The following DLGAP1 variants were observed in gnomAD, a reference collection of about 807,000 sequenced individuals.
DLGAP1 encodes DLG associated protein 1.
Under a neutral mutation model 90.8 loss-of-function variants are expected in DLGAP1, and 11 were observed. The ratio of observed to expected loss-of-function variants is 0.12; its 90% CI spans 0.08 to 0.20. DLGAP1 has a LOEUF of 0.20. Among genes scored for constraint, DLGAP1 ranks in the 10% least tolerant of loss-of-function variants. DLGAP1 has a pLI of 1.00. For synonymous variants in DLGAP1, 558 were observed against 540.7 expected (o/e 1.03, Z -0.44); for missense variants, 1,050 against 1,333.8 (o/e 0.79, Z 3.31).
rs1363424070 is a variant in DLGAP1, at chr18:4,107,779, G to A, written c.-159+43401C>T. 2.0e-5 allele frequency among the ~76,000 whole-genome samples: 3 copies of A among 152,116 alleles called. No homozygotes were observed. The South Asian group carries it at 6.2e-4, about 32-fold the overall frequency. On this transcript the variant is annotated intron_variant, in intron 2 of 12. Transcript: ENST00000315677. ...CTTTTTAGCTAAAATGAGAGTCAAA[G>A]CAACATTATTTGATTGCCAGATTCT...
chr18:4,014,253 T>G (rs1347769562), intron 2 of DLGAP1, among the ~76,000 whole-genome samples: 1 of 151,966 alleles, frequency 6.6e-6, no homozygotes, highest in Non-Finnish European at 1.5e-5. Flanking sequence ...ACCCAGCTAA[T>G]TTCTGTATTT....
At chr18:4,066,507 G>A (rs58198807) in intron 2 of DLGAP1, among the ~76,000 whole-genome samples, 13,251 of 151,874 alleles carry the variant, frequency 0.087, 695 homozygotes, top group East Asian at 0.17. Context: ...TTAAAAAGTG[G>A]GCAAAAGACA....
At chr18:4,129,025 G>C (rs2076273697) in intron 2 of DLGAP1, among the ~76,000 whole-genome samples, 1 of 152,062 alleles carries the variant, frequency 6.6e-6, no homozygotes. Flanking sequence ...GTGAACAGAA[G>C]TTTTTTTGGT....
At chr18:3,753,951 T>G (rs1002147148) in intron 5 of DLGAP1, among the ~76,000 whole-genome samples, 1 of 152,236 alleles carries the variant, frequency 6.6e-6, no homozygotes, top group Non-Finnish European at 1.5e-5. Context: ...AAGTCCCTTA[T>G]GTAAATGGCA....
intron 1 of DLGAP1, among the ~76,000 whole-genome samples, chr18:4,228,281 C>A (rs2078233192): frequency 6.6e-6 from 1 of 151,428 alleles, no homozygotes; most frequent in Non-Finnish European, 1.5e-5. Flanking sequence ...AACATTTAAA[C>A]ATCCTACTCA....
intron 1 of DLGAP1, among the ~76,000 whole-genome samples, chr18:4,273,991 AT>A (rs1259888311): frequency 6.7e-6 from 1 of 148,348 alleles, no homozygotes; most frequent in Non-Finnish European, 1.5e-5. Context: ...TTTTACTATA[AT>A]TTTTGTTGTT....
chr18:3,680,399 T>G (rs1445149922), intron 7 of DLGAP1, among the ~76,000 whole-genome samples: 1 of 152,216 alleles, frequency 6.6e-6, no homozygotes, highest in Non-Finnish European at 1.5e-5. Flanking sequence ...AGTACAGTGA[T>G]CACAGAGTCT....
chr18:4,239,313 T>C (rs2078481267), intron 1 of DLGAP1, among the ~76,000 whole-genome samples: 1 of 152,130 alleles, frequency 6.6e-6, no homozygotes, highest in African/African-American at 2.4e-5. Flanking sequence ...TGACATCATT[T>C]AAAAAAAATT....
intron 4 of DLGAP1, among the ~76,000 whole-genome samples, chr18:3,848,843 CCTT>C (rs1303510832): frequency 1.3e-5 from 2 of 152,176 alleles, no homozygotes; most frequent in African/African-American, 2.4e-5. Context: ...CTTCCACTGT[CCTT>C]CTCCTTCCAC....
At position 3,545,325 on chromosome 18, in the gene DLGAP1, C is replaced by A. The variant is rs1486372785; in HGVS notation, c.2058-10710G>T. On this transcript the variant is annotated intron_variant, in intron 9 of 12. Transcript: ENST00000315677. ...TGGAATCATAGAAAGATAATTAGCC[C>A]CAAAGAAGTATTTTTCAAATACTTC... Among the ~76,000 whole-genome samples the A allele has an allele frequency of 5.3e-5, 8 of 151,740 alleles. No individual in the cohort carries two copies. In the South Asian group the frequency reaches 1.5e-3, roughly 28 times the overall value.
intron 1 of DLGAP1, among the ~76,000 whole-genome samples, chr18:4,223,841 T>C (rs912204731): frequency 2.0e-5 from 3 of 152,212 alleles, no homozygotes; most frequent in Non-Finnish European, 2.9e-5. Flanking sequence ...AGCATCCTTA[T>C]GGCACATATC....
rs76751283 is a variant in DLGAP1 at position 3,543,166 on chromosome 18, A to ATTTTTTTTTTTTTTT, written c.2058-8566_2058-8552dup. ...ATACTCTTTTGTTCCCATGACTCCA[A>ATTTTTTTTTTTTTTT]TTTTTTTTTTTTTTTTTTTTTTGAG... On this transcript the variant is annotated intron_variant, in intron 9 of 12. Transcript: ENST00000315677. 3.0e-3 allele frequency among the ~76,000 whole-genome samples: 195 copies of ATTTTTTTTTTTTTTT among 64,092 alleles called. 9 individuals carry two copies. The highest frequency in any genetic ancestry group is 6.7e-3 in the African/African-American group (172 of 25,500). The allele number at this position is 64,092 out of a possible 152,430, so 42.0% of individuals were successfully genotyped here. A position where few individuals can be genotyped will look rare whatever the true frequency, so the allele number is the denominator to read the frequency against.
intron 1 of DLGAP1, among the ~76,000 whole-genome samples, chr18:4,296,473 TCA>T (rs1267553565): frequency 2.0e-5 from 3 of 152,248 alleles, no homozygotes; most frequent in East Asian, 1.9e-4. Context: ...GTGCTTGCAT[TCA>T]CAGTGTTATA....
At chr18:3,719,505 T>C (rs1171189018) in intron 7 of DLGAP1, among the ~76,000 whole-genome samples, 2 of 134,630 alleles carry the variant, frequency 1.5e-5, no homozygotes, top group African/African-American at 2.9e-5. Context: ...TGCAGTGAGC[T>C]GAGAGCGCGC....
chr18:4,015,419 C>T (rs554422159), intron 2 of DLGAP1, among the ~76,000 whole-genome samples: 10 of 152,096 alleles, frequency 6.6e-5, no homozygotes, highest in Admixed American at 2.6e-4. Flanking sequence ...TGCTGGGCCA[C>T]GGGCTATGAT....
intron 1 of DLGAP1, among the ~76,000 whole-genome samples, chr18:4,248,117 C>T (rs904929088): frequency 1.3e-5 from 2 of 152,092 alleles, no homozygotes; most frequent in African/African-American, 4.8e-5. Context: ...GTTCCCTGGG[C>T]CTTCACTCGG....
intron 7 of DLGAP1, among the ~76,000 whole-genome samples, chr18:3,583,185 C>G (rs2055656430): frequency 7.5e-6 from 1 of 133,258 alleles, no homozygotes; most frequent in Non-Finnish European, 1.6e-5. Context: ...TACCTACCTA[C>G]CTTCCTTCCT....
Position 3,880,159 on chromosome 18 carries a change from G to A in DLGAP1, c.-72-19C>T. The stretch of plus-strand genomic sequence containing the variant: ...CAGGGATCTGGGGGAATGAAGAAAA[G>A]GGCAAAGTCGTTAACATTTCTCTTG... On this transcript the variant is annotated intron_variant, in intron 3 of 12. Transcript: ENST00000315677. 1 of 1,166,120 alleles carries A rather than the reference G, an allele frequency of 8.6e-7. No individual in the cohort carries two copies. Among genetic ancestry groups the A allele is most frequent in the Middle Eastern group, 2.8e-4 (1 of 3,528 alleles). The allele number at this position is 1,166,120 out of a possible 1,614,324, so 72.2% of individuals were successfully genotyped here.
chr18:4,434,819 G>C (rs2083365080), intron 1 of DLGAP1, among the ~76,000 whole-genome samples: 1 of 152,180 alleles, frequency 6.6e-6, no homozygotes, highest in Non-Finnish European at 1.5e-5. Flanking sequence ...ATGCAGAAAA[G>C]GAAGTAAGGA....
Sources: gnomAD v4.1 joint callset for allele counts (sites outside exome capture counted in the v4.1 genomes callset) on GRCh38, gnomAD v4.1.1 for gene constraint, MANE v1.5 for transcripts, NCBI Gene and HGNC (gene_info 2026-07-23, HGNC 2026-07-21) for gene names.